MTCP1: variants seen among roughly 807,000 people sequenced by gnomAD.
MTCP1 encodes the protein protein p13 MTCP-1.
MTCP1 carries 2 observed loss-of-function variants against 10.6 expected under a neutral mutation model. The ratio of observed to expected loss-of-function variants is 0.19; its 90% CI spans 0.08 to 0.59. MTCP1 has a LOEUF of 0.59. Among genes scored for constraint, MTCP1 ranks in the 20% least tolerant of loss-of-function variants. The pLI is 0.90. For synonymous variants in MTCP1, 29 were observed against 34.4 expected (o/e 0.84, Z 0.55); for missense variants, 33 against 91.5 (o/e 0.36, Z 2.61).
Position 155,064,248 on chromosome X carries a change from G to T in MTCP1, c.*1156C>A. 1 of 270,174 alleles carries T rather than the reference G, an allele frequency of 3.7e-6. No homozygotes were observed. The highest frequency in any genetic ancestry group is 6.6e-6 in the Non-Finnish European group (1 of 151,178). 22.3% of individuals were successfully genotyped at this position (270,174 alleles called of 1,213,427 possible). ...TGGAAGATATAAATAGCTTTACATGGAAAAAAAACCTTGAATTCAATCAAC... is the reference window on the plus strand; with the variant it reads ...TGGAAGATATAAATAGCTTTACATGTAAAAAAAACCTTGAATTCAATCAAC... On this transcript the variant is annotated 3_prime_UTR_variant, in exon 5 of 5. Transcript: ENST00000369476.
In MTCP1 at chrX:155,064,069, T is replaced by A; in HGVS notation, c.*1335A>T. ...AAAAATGATTTTTATTTTTCTTTTT[T>A]CCATAAAGACTTTAAAGCCCCTCTA... On this transcript the variant is annotated 3_prime_UTR_variant, in exon 5 of 5. Transcript: ENST00000369476. 8.9e-7 allele frequency: 1 copy of A among 1,118,296 alleles called. No individual in the cohort carries two copies. Among genetic ancestry groups the A allele is most frequent in the South Asian group, 2.1e-5 (1 of 48,414 alleles). The allele number at this position is 1,118,296 out of a possible 1,213,427, so 92.2% of individuals were successfully genotyped here.
chrX:155,070,170 G>T lies in MTCP1; in HGVS notation c.-48+524C>A, dbSNP rs1479983168. On this transcript the variant is annotated intron_variant, in intron 1 of 4. Coordinates refer to ENST00000369476, the MANE Select transcript of MTCP1 (RefSeq NM_001018025.4). ...GGGACCCTATGTGTGGGGAGACTTG[G>T]GTTGGAACTGACTTGGGAGAAAAGA... 6.3e-5 allele frequency among the ~76,000 whole-genome samples: 7 copies of T among 111,848 alleles called. No individual in the cohort carries two copies. The South Asian group carries it at 1.1e-3, about 18-fold the overall frequency.
At position 155,065,538 on chromosome X, in the gene MTCP1, C is replaced by G; in HGVS notation, c.277-1G>C. On this transcript the variant is annotated splice_acceptor_variant, in intron 3 of 4. Transcript: ENST00000369476. LOFTEE classifies it high-confidence loss of function. ...GCAACAGCTCCTGTACTCCCCTGAC[C>G]TGTCAGAAAAAGAAAAGTTTATGGA... 1 of 1,211,094 alleles carries G rather than the reference C, an allele frequency of 8.3e-7. No individual in the cohort carries two copies. The highest frequency in any genetic ancestry group is 1.1e-6 in the Non-Finnish European group (1 of 894,733).
chrX:155,069,983 CAA>C (rs781810296), intron 1 of MTCP1, among the ~76,000 whole-genome samples: 7 of 112,172 alleles, frequency 6.2e-5, no homozygotes, highest in Non-Finnish European at 9.4e-5. Flanking sequence ...AAAATTGAAA[CAA>C]GAGAAAATTT....
Position 155,065,972 on chromosome X carries a change from G to C in MTCP1, c.39C>G (p.Leu13=). ...GGTAGATACCCTCTTGGTGAACCCA[G>C]AGGTGATCGGGTGGAGCCCCCACAT... ...GEDVGAPPDH[L]WVHQEGIYRD... is the part of the protein sequence containing the mutation. The change falls in exon 2 of 5, where the codon CTC becomes CTG. Residue 13 remains leucine, a synonymous_variant. Coordinates refer to ENST00000369476, the MANE Select transcript of MTCP1 (RefSeq NM_001018025.4). 8.3e-7 allele frequency: 1 copy of C among 1,211,670 alleles called. No individual in the cohort carries two copies. Among genetic ancestry groups the C allele is most frequent in the Non-Finnish European group, 1.1e-6 (1 of 895,227 alleles).
At chrX:155,069,963 C>T (rs959508707) in intron 1 of MTCP1, among the ~76,000 whole-genome samples, 1 of 112,568 alleles carries the variant, frequency 8.9e-6, no homozygotes, top group Admixed American at 9.4e-5. Context: ...CTGAAAATAA[C>T]ATATGATATA....
chrX:155,066,391 T>C (rs1481357401), intron 1 of MTCP1, among the ~76,000 whole-genome samples: 1 of 112,093 alleles, frequency 8.9e-6, no homozygotes, highest in African/African-American at 3.2e-5. Flanking sequence ...AAAATGTAGT[T>C]AGCAATAGAA....
intron 1 of MTCP1, among the ~76,000 whole-genome samples, chrX:155,067,666 T>C (rs2073953964): frequency 8.9e-6 from 1 of 112,601 alleles, no homozygotes; most frequent in Non-Finnish European, 1.9e-5. Context: ...AAAGTCACCT[T>C]ACACATTTGC....
intron 1 of MTCP1, 30 bp from the exon 2 acceptor site, chrX:155,066,087 T>A (rs2073947305): frequency 1.2e-6 from 1 of 837,529 alleles, no homozygotes; most frequent in African/African-American, 2.0e-5. Flanking sequence ...GACACAGGTG[T>A]GACTTTTTGG....
At chrX:155,068,898 T>C (rs1043952600) in intron 1 of MTCP1, among the ~76,000 whole-genome samples, 30 of 112,454 alleles carry the variant, frequency 2.7e-4, no homozygotes, top group African/African-American at 9.0e-4. Context: ...GAATATAAAC[T>C]TGTGCAACTC....
At chrX:155,070,560 A>C (rs1188825481) in intron 1 of MTCP1, 134 bp downstream of exon 1, 1 of 112,428 alleles carries the variant, frequency 8.9e-6, no homozygotes, top group Non-Finnish European at 1.9e-5. Flanking sequence ...TAAAAACTGA[A>C]GTTCTCCATT....
At chrX:155,065,460 G>A (rs2073944639) in intron 4 of MTCP1, 26 bp downstream of exon 4, 1 of 1,186,650 alleles carries the variant, frequency 8.4e-7, no homozygotes, top group Admixed American at 2.2e-5. Flanking sequence ...AGAGGGGGAG[G>A]ACAGAGGAGA....
rs782220194 is a variant in MTCP1, at chrX:155,066,005, T to C, written c.6A>G (p.Ala2=). The change falls in exon 2 of 5, where the codon GCA becomes GCG. Residue 2 remains alanine (A), a synonymous_variant. Coordinates refer to ENST00000369476, the MANE Select transcript of MTCP1 (RefSeq NM_001018025.4). ...CGGGTGGAGCCCCCACATCCTCTCC[T>C]GCCATTCTGGGCTTTGGGTTCCAAT... M[A]GEDVGAPPDH... 2.5e-6 allele frequency: 3 copies of C among 1,205,327 alleles called. No individual in the cohort carries two copies. In the East Asian group the frequency reaches 8.9e-5, roughly 36 times the overall value.
At chrX:155,066,119 A>G in intron 1 of MTCP1, 62 bp from the exon 2 acceptor site, 1 of 549,133 alleles carries the variant, frequency 1.8e-6, no homozygotes, top group Non-Finnish European at 3.0e-6. Flanking sequence ...CTCACCAGTA[A>G]GCAAGGTGAT....
In MTCP1 at chrX:155,065,258, T is replaced by C. The variant is rs2073943763; in HGVS notation, c.*146A>G. ...TCACTTGCAGTATTCTTCATGACCC[T>C]TGCTAAACTTCTGTTTCTTGAGCAG... is the stretch of plus-strand genomic sequence containing the variant. On this transcript the variant is annotated 3_prime_UTR_variant, in exon 5 of 5. Coordinates refer to ENST00000369476, the MANE Select transcript of MTCP1 (RefSeq NM_001018025.4). 2.3e-6 allele frequency: 1 copy of C among 433,698 alleles called. No individual in the cohort carries two copies. 35.7% of individuals were successfully genotyped at this position (433,698 alleles called of 1,213,427 possible). A position where few individuals can be genotyped will look rare whatever the true frequency, so the allele number is the denominator to read the frequency against.
Position 155,064,056 on chromosome X carries a change from T to A in MTCP1, c.*1348A>T. ...AAACTAAAACAAGAAAAATGATTTT[T>A]ATTTTTCTTTTTTCCATAAAGACTT... On this transcript the variant is annotated 3_prime_UTR_variant, in exon 5 of 5. Coordinates refer to ENST00000369476, the MANE Select transcript of MTCP1 (RefSeq NM_001018025.4). 1 of 1,157,566 alleles carries A rather than the reference T, an allele frequency of 8.6e-7. No homozygotes were observed. Among genetic ancestry groups the A allele is most frequent in the Admixed American group, 2.7e-5 (1 of 36,555 alleles).
intron 1 of MTCP1, among the ~76,000 whole-genome samples, chrX:155,069,278 A>C (rs1173862566): frequency 8.9e-6 from 1 of 112,561 alleles, no homozygotes; most frequent in African/African-American, 3.2e-5. Context: ...GAAGTCAATT[A>C]ATAAACTCGT....
In MTCP1 at chrX:155,065,564, G is replaced by A. The variant is rs1177538695; in HGVS notation, c.277-27C>T. On this transcript the variant is annotated intron_variant, in intron 3 of 4. Coordinates refer to ENST00000369476, the MANE Select transcript of MTCP1 (RefSeq NM_001018025.4). ...TGTCAGAAAAAGAAAAGTTTATGGA[G>A]TACTCTGTTACGAGAGTCCCAGTAC... 5 of 1,207,840 alleles carry A rather than the reference G, an allele frequency of 4.1e-6. No individual in the cohort carries two copies. In the African/African-American group the frequency reaches 7.0e-5, roughly 17 times the overall value.
At chrX:155,067,193 A>G (rs1476733091) in intron 1 of MTCP1, among the ~76,000 whole-genome samples, 2 of 111,577 alleles carry the variant, frequency 1.8e-5, no homozygotes, top group Non-Finnish European at 3.8e-5. Context: ...GAGCAACCAG[A>G]TGCTTCACCC....
Sources: allele counts gnomAD v4.1 joint callset (sites outside exome capture counted in the v4.1 genomes callset), GRCh38; gene constraint gnomAD v4.1.1; transcripts MANE v1.5; gene names NCBI Gene and HGNC (gene_info 2026-07-23, HGNC 2026-07-21).